The following XYLT1 variants were observed in gnomAD, a reference collection of about 807,000 sequenced individuals.
XYLT1 encodes the protein beta-D-xylosyltransferase 1.
A neutral mutation model predicts 91.3 loss-of-function variants in XYLT1; 36 were observed. The ratio of observed to expected loss-of-function variants is 0.39; its 90% CI spans 0.30 to 0.52. The LOEUF (loss-of-function observed/expected upper bound fraction) is 0.52, where lower values mean the gene tolerates loss of function less well. XYLT1 is among the 20% of genes least tolerant of loss of function. The probability of loss-of-function intolerance (pLI) is 0.68; values close to 1 mark genes in which losing one functional copy is unlikely to be tolerated. For missense variants in XYLT1, 1,242 were observed against 1,284.5 expected (o/e 0.97, Z 0.51); for synonymous variants, 588 against 532.0 (o/e 1.11, Z -1.45).
At chr16:17,288,298 T>G (rs2034171853) in intron 2 of XYLT1, among the ~76,000 whole-genome samples, 1 of 151,070 alleles carries the variant, frequency 6.6e-6, no homozygotes, top group African/African-American at 2.4e-5. Flanking sequence ...AATAGTGCAG[T>G]GTCCAAGCAG....
intron 3 of XYLT1, among the ~76,000 whole-genome samples, chr16:17,240,212 G>A (rs2033324671): frequency 6.6e-6 from 1 of 152,204 alleles, no homozygotes; most frequent in Non-Finnish European, 1.5e-5. Context: ...CTAGCATGTG[G>A]GGAAGCCTTC....
intron 1 of XYLT1, among the ~76,000 whole-genome samples, chr16:17,358,775 G>A (rs759563289): frequency 2.0e-5 from 3 of 152,176 alleles, no homozygotes; most frequent in Non-Finnish European, 1.5e-5. Flanking sequence ...ATAAAGTCCT[G>A]ACTAGGAACA....
chr16:17,335,742 C>T (rs1279250223), intron 2 of XYLT1, among the ~76,000 whole-genome samples: 2 of 150,066 alleles, frequency 1.3e-5, no homozygotes, highest in African/African-American at 4.9e-5. Flanking sequence ...CCATTTTTTG[C>T]CCTATCCATG....
At position 17,146,406 on chromosome 16, in the gene XYLT1, A is replaced by T. The variant is rs2031133616; in HGVS notation, c.1371-5037T>A. ...ACCAGCTGGGTGACTTCAAAATGTT[A>T]AGGAGTCCTCTCTGAGTCTCAGTTT... On this transcript the variant is annotated intron_variant, in intron 6 of 11. Coordinates refer to ENST00000261381, the MANE Select transcript of XYLT1 (RefSeq NM_022166.4). Among the ~76,000 whole-genome samples, 3 of 152,254 alleles carry T rather than the reference A, an allele frequency of 2.0e-5. No individual in the cohort carries two copies. In the South Asian group the frequency reaches 6.2e-4, roughly 32 times the overall value.
At chr16:17,259,610 A>T in intron 2 of XYLT1, 112 bp from the exon 3 acceptor site, 1 of 1,305,342 alleles carries the variant, frequency 7.7e-7, no homozygotes, top group Non-Finnish European at 1.0e-6. Flanking sequence ...CCATAGTTTC[A>T]CATCCTACTT....
intron 1 of XYLT1, among the ~76,000 whole-genome samples, chr16:17,449,536 A>T (rs941138361): frequency 4.6e-5 from 7 of 152,186 alleles, no homozygotes; most frequent in Non-Finnish European, 1.0e-4. Context: ...GCTTGTGGGG[A>T]GCTGTGCAAC....
At chr16:17,280,427 ATACT>A (rs1401467687) in intron 2 of XYLT1, among the ~76,000 whole-genome samples, 1 of 152,246 alleles carries the variant, frequency 6.6e-6, no homozygotes, top group Non-Finnish European at 1.5e-5. Flanking sequence ...TTTCTGAAAC[ATACT>A]TCAATATTTT....
chr16:17,465,237 G>A (rs1297051142), intron 1 of XYLT1, among the ~76,000 whole-genome samples: 1 of 150,768 alleles, frequency 6.6e-6, no homozygotes, highest in Non-Finnish European at 1.5e-5. Flanking sequence ...AACGCAACTC[G>A]GAAAGGTGGC....
chr16:17,465,004 C>T (rs961754400), intron 1 of XYLT1, among the ~76,000 whole-genome samples: 9 of 151,394 alleles, frequency 5.9e-5, no homozygotes, highest in African/African-American at 2.2e-4. Context: ...ATTAGCCAGG[C>T]GTGGTGGTGC....
chr16:17,196,798 A>G (rs867481582), intron 5 of XYLT1, among the ~76,000 whole-genome samples: 2 of 152,014 alleles, frequency 1.3e-5, no homozygotes, highest in African/African-American at 4.8e-5. Flanking sequence ...GCCTGGCACG[A>G]TGGCTCACAC....
In XYLT1 at chr16:17,154,958, C is replaced by G. The variant is rs1186507073; in HGVS notation, c.1370+3871G>C. On this transcript the variant is annotated intron_variant, in intron 6 of 11. Coordinates refer to ENST00000261381, the MANE Select transcript of XYLT1 (RefSeq NM_022166.4). ...TTCAAGATCTCTGCCTCTGTCACCT[C>G]CTCTTTTACCAGGGCTGGTCTGGAC... is the stretch of plus-strand genomic sequence containing the variant. Among the ~76,000 whole-genome samples the G allele has an allele frequency of 2.6e-5, 4 of 152,312 alleles. No individual in the cohort carries two copies. In the East Asian group the frequency reaches 7.7e-4, roughly 29 times the overall value.
At chr16:17,401,184 C>A (rs2035964703) in intron 1 of XYLT1, among the ~76,000 whole-genome samples, 1 of 152,082 alleles carries the variant, frequency 6.6e-6, no homozygotes, top group African/African-American at 2.4e-5. Flanking sequence ...GGACACTGGG[C>A]CCTTGGGCTG....
chr16:17,426,699 T>C (rs1352916458), intron 1 of XYLT1, among the ~76,000 whole-genome samples: 1 of 152,232 alleles, frequency 6.6e-6, no homozygotes, highest in Non-Finnish European at 1.5e-5. Context: ...TGCCTCTGAC[T>C]GCTTTTGCCC....
intron 9 of XYLT1, among the ~76,000 whole-genome samples, chr16:17,132,780 A>G (rs1468258825): frequency 6.6e-6 from 1 of 152,106 alleles, no homozygotes; most frequent in African/African-American, 2.4e-5. Context: ...GTACATGCCT[A>G]TAGTCTCAGC....
In XYLT1 at chr16:17,436,170, C is replaced by T. The variant is rs112972780; in HGVS notation, c.363+34264G>A. 2.4e-3 allele frequency among the ~76,000 whole-genome samples: 372 copies of T among 152,282 alleles called. 2 individuals carry two copies. The highest frequency in any genetic ancestry group is 8.5e-3 in the African/African-American group (352 of 41,554). ...TCGTTCGCCTTCTGCCATGATTGTGCGGCCTCCCCAGCCATGTTAGAACTT... is the reference window on the plus strand; with the variant it reads ...TCGTTCGCCTTCTGCCATGATTGTGTGGCCTCCCCAGCCATGTTAGAACTT... On this transcript the variant is annotated intron_variant, in intron 1 of 11. Coordinates refer to ENST00000261381, the MANE Select transcript of XYLT1 (RefSeq NM_022166.4).
intron 6 of XYLT1, among the ~76,000 whole-genome samples, chr16:17,157,245 G>A (rs2031430181): frequency 6.6e-6 from 1 of 152,132 alleles, no homozygotes; most frequent in Non-Finnish European, 1.5e-5. Context: ...CACGGCACCT[G>A]GCCAGATTAC....
intron 1 of XYLT1, among the ~76,000 whole-genome samples, chr16:17,428,252 G>A (rs893507559): frequency 4.6e-5 from 7 of 152,198 alleles, no homozygotes; most frequent in African/African-American, 1.7e-4. Flanking sequence ...CCAAAGTGCT[G>A]GGATTAAAGG....
At chr16:17,441,422 C>T (rs1024133391) in intron 1 of XYLT1, among the ~76,000 whole-genome samples, 3 of 152,016 alleles carry the variant, frequency 2.0e-5, no homozygotes, top group Non-Finnish European at 4.4e-5. Context: ...GCTTTTAATA[C>T]CTGAAAGAAT....
chr16:17,124,673 T>C (rs1307589353), intron 10 of XYLT1, among the ~76,000 whole-genome samples: 3 of 152,256 alleles, frequency 2.0e-5, no homozygotes, highest in Admixed American at 1.3e-4. Flanking sequence ...GGGGAAGTTT[T>C]CCTCAATTAT....
Sources: allele counts gnomAD v4.1 joint callset (sites outside exome capture counted in the v4.1 genomes callset), GRCh38; gene constraint gnomAD v4.1.1; transcripts MANE v1.5; gene names NCBI Gene and HGNC (gene_info 2026-07-23, HGNC 2026-07-21).